TECRL: variants seen among roughly 807,000 people sequenced by gnomAD.
TECRL encodes trans-2,3-enoyl-CoA reductase-like.
Under a neutral mutation model 52.8 loss-of-function variants are expected in TECRL, and 63 were observed. That is an observed-to-expected ratio of 1.19 (90% confidence interval 0.97 to 1.47). The LOEUF (loss-of-function observed/expected upper bound fraction) is 1.47, where lower values mean the gene tolerates loss of function less well. Ranked by LOEUF, TECRL falls within the 40% of genes most tolerant of loss-of-function variation. TECRL has a pLI of 0.00. For missense variants in TECRL, 482 were observed against 429.6 expected, an observed-to-expected ratio of 1.12 and a Z score of -1.08; for synonymous variants, 164 against 141.9, an observed-to-expected ratio of 1.16 and a Z score of -1.10.
intron 9 of TECRL, among the ~76,000 whole-genome samples, chr4:64,283,514 G>A (rs992409479): frequency 6.6e-6 from 1 of 152,056 alleles, no homozygotes; most frequent in African/African-American, 2.4e-5. Context: ...TGTTATAGTG[G>A]TTGAAAACAA....
intron 1 of TECRL, among the ~76,000 whole-genome samples, chr4:64,382,228 TATATATAG>T (rs1393597382): frequency 0.039 from 120 of 3,056 alleles, no homozygotes; most frequent in African/African-American, 0.043. Flanking sequence ...TATATATATA[TATATATAG>T]TATTATGTAT....
intron 9 of TECRL, among the ~76,000 whole-genome samples, chr4:64,287,874 C>T (rs756514815): frequency 2.6e-5 from 4 of 152,084 alleles, no homozygotes; most frequent in African/African-American, 7.2e-5. Flanking sequence ...GGGCCAGGCA[C>T]GGTGGCTCAT....
intron 1 of TECRL, among the ~76,000 whole-genome samples, chr4:64,380,847 C>A (rs949700794): frequency 8.6e-5 from 13 of 151,940 alleles, no homozygotes; most frequent in African/African-American, 3.1e-4. Flanking sequence ...AGCTTTGTTT[C>A]TTTTTGCTCA....
intron 2 of TECRL, among the ~76,000 whole-genome samples, chr4:64,362,336 A>G (rs928920164): frequency 2.6e-5 from 4 of 152,098 alleles, no homozygotes; most frequent in Admixed American, 6.6e-5. Flanking sequence ...ATGCAAATTC[A>G]GGAAACTCAG....
chr4:64,315,862 G>A (rs1717462321), intron 4 of TECRL, among the ~76,000 whole-genome samples: 2 of 151,934 alleles, frequency 1.3e-5, no homozygotes, highest in South Asian at 4.1e-4. Flanking sequence ...CTGTCTTTTA[G>A]AAATATATAT....
downstream of TECRL, chr4:64,277,047 A>C (rs1319236925): frequency 6.7e-7 from 1 of 1,498,610 alleles, no homozygotes; most frequent in Non-Finnish European, 8.9e-7. Flanking sequence ...AGGCAGTGAG[A>C]CCACCTGGAA....
At chr4:64,373,271 T>A (rs1364015927) in intron 2 of TECRL, among the ~76,000 whole-genome samples, 1 of 151,646 alleles carries the variant, frequency 6.6e-6, no homozygotes, top group Non-Finnish European at 1.5e-5. Flanking sequence ...AAAAAGTCAC[T>A]ATTTAAGTAA....
At chr4:64,282,609 G>A (rs562151839) in intron 9 of TECRL, among the ~76,000 whole-genome samples, 1 of 152,042 alleles carries the variant, frequency 6.6e-6, no homozygotes, top group Admixed American at 6.6e-5. Flanking sequence ...TATAGTTACT[G>A]AATTTCAGAG....
intron 1 of TECRL, among the ~76,000 whole-genome samples, chr4:64,385,328 C>T (rs191623025): frequency 6.6e-5 from 10 of 152,330 alleles, no homozygotes; most frequent in Middle Eastern, 6.8e-3. Flanking sequence ...GGCCAGTCCC[C>T]AGACACCCTG....
At chr4:64,385,678 GC>G (rs1428443174) in intron 1 of TECRL, among the ~76,000 whole-genome samples, 5 of 152,140 alleles carry the variant, frequency 3.3e-5, no homozygotes, top group African/African-American at 4.8e-5. Context: ...TGGGGACTGA[GC>G]TCTCAAAATG....
intron 8 of TECRL, among the ~76,000 whole-genome samples, chr4:64,291,266 A>G (rs1723371728): frequency 1.3e-5 from 2 of 152,072 alleles, no homozygotes; most frequent in Admixed American, 6.6e-5. Context: ...TTAGTTATCA[A>G]TTTAATCAAT....
chr4:64,360,709 G>A (rs74389257), intron 2 of TECRL, among the ~76,000 whole-genome samples: 431 of 152,208 alleles, frequency 2.8e-3, no homozygotes, highest in African/African-American at 0.01. Context: ...TCATGGGGTG[G>A]CCAAGCATTG....
chr4:64,345,523 A>G (rs1385176876), intron 2 of TECRL, among the ~76,000 whole-genome samples: 20 of 120,812 alleles, frequency 1.7e-4, no homozygotes, highest in East Asian at 2.6e-4. Context: ...ACACAGGAAG[A>G]GGAACATCAC....
chr4:64,312,727 A>C (rs1270436106), intron 5 of TECRL, among the ~76,000 whole-genome samples: 2 of 150,646 alleles, frequency 1.3e-5, no homozygotes, highest in African/African-American at 4.9e-5. Context: ...AATTTGAGCC[A>C]CCGCACTCTA....
chr4:64,277,187 T>C, downstream of TECRL: 1 of 509,130 alleles, frequency 2.0e-6, no homozygotes, highest in Admixed American at 3.1e-5. Context: ...CATAAGGGAG[T>C]GTAGTATAAT....
chr4:64,301,452 A>G (rs536431910), intron 7 of TECRL, among the ~76,000 whole-genome samples: 1 of 151,320 alleles, frequency 6.6e-6, no homozygotes, highest in East Asian at 1.9e-4. Context: ...ATTCAACTAT[A>G]GTTATCAAGA....
intron 7 of TECRL, chr4:64,304,934 A>T: frequency 3.1e-6 from 1 of 317,644 alleles, no homozygotes; most frequent in African/African-American, 2.1e-5. Context: ...GTTTTTTTGG[A>T]GGTTTACAAC....
intron 2 of TECRL, among the ~76,000 whole-genome samples, chr4:64,342,248 A>T (rs998420803): frequency 6.6e-6 from 1 of 152,108 alleles, no homozygotes; most frequent in African/African-American, 2.4e-5. Flanking sequence ...TTTAGTGTAC[A>T]TTTCTCATTA....
chr4:64,364,946 A>G (rs1487316882), intron 2 of TECRL, among the ~76,000 whole-genome samples: 2 of 152,048 alleles, frequency 1.3e-5, no homozygotes, highest in Non-Finnish European at 2.9e-5. Context: ...TGGCAGAGAC[A>G]TAACAAAATA....
Sources: gnomAD v4.1 joint callset for allele counts (sites outside exome capture counted in the v4.1 genomes callset) on GRCh38, gnomAD v4.1.1 for gene constraint, MANE v1.5 for transcripts, NCBI Gene and HGNC (gene_info 2026-07-23, HGNC 2026-07-21) for gene names.